CTNND2: variants seen among roughly 807,000 people sequenced by gnomAD.
The protein encoded by CTNND2 is catenin delta-2.
In CTNND2, 22 loss-of-function variants were observed where a neutral mutation model predicts 144.4. That is an observed-to-expected ratio of 0.15 (90% CI 0.11 to 0.22). The LOEUF (loss-of-function observed/expected upper bound fraction) is 0.22. Among genes scored for constraint, CTNND2 ranks in the 10% least tolerant of loss-of-function variants. The pLI, the probability that CTNND2 is intolerant of heterozygous loss-of-function variation, is 1.00. For missense variants in CTNND2, 1,353 were observed against 1,618.8 expected (o/e 0.84, Z 2.82); for synonymous variants, 751 against 695.6 (o/e 1.08, Z -1.25).
At chr5:11,542,854 G>T (rs894925570) in intron 3 of CTNND2, among the ~76,000 whole-genome samples, 1 of 152,202 alleles carries the variant, frequency 6.6e-6, no homozygotes, top group African/African-American at 2.4e-5. Context: ...GGAAAGGGAG[G>T]CTACACTTTT....
At chr5:11,886,350 A>T (rs1326742478) in intron 1 of CTNND2, among the ~76,000 whole-genome samples, 1 of 152,198 alleles carries the variant, frequency 6.6e-6, no homozygotes, top group African/African-American at 2.4e-5. Flanking sequence ...ACCAGAAATG[A>T]AAAAGGAGAC....
chr5:11,669,051 C>T (rs775182606), intron 2 of CTNND2, among the ~76,000 whole-genome samples: 11 of 152,026 alleles, frequency 7.2e-5, no homozygotes, highest in African/African-American at 9.7e-5. Flanking sequence ...GTTCTGTTTA[C>T]GTGATGGATT....
At chr5:11,099,579 C>T (rs1209659464) in intron 14 of CTNND2, among the ~76,000 whole-genome samples, 1 of 152,042 alleles carries the variant, frequency 6.6e-6, no homozygotes, top group Non-Finnish European at 1.5e-5. Context: ...CACATTATTC[C>T]AACTAAAATG....
At chr5:11,175,369 C>T (rs1314697945) in intron 11 of CTNND2, among the ~76,000 whole-genome samples, 1 of 151,996 alleles carries the variant, frequency 6.6e-6, no homozygotes, top group African/African-American at 2.4e-5. Context: ...ATAAAATCAC[C>T]CAGAGATAAT....
intron 1 of CTNND2, among the ~76,000 whole-genome samples, chr5:11,852,542 G>T (rs58150313): frequency 6.6e-6 from 1 of 152,222 alleles, no homozygotes; most frequent in African/African-American, 2.4e-5. Context: ...AACTGTGACA[G>T]TATCACTGAC....
chr5:10,996,461 G>A (rs1012760014), intron 18 of CTNND2, among the ~76,000 whole-genome samples: 5 of 148,316 alleles, frequency 3.4e-5, no homozygotes, highest in African/African-American at 1.2e-4. Flanking sequence ...CCACCTCCAG[G>A]GTGGGACACA....
intron 1 of CTNND2, among the ~76,000 whole-genome samples, chr5:11,824,198 T>A (rs1381808405): frequency 6.6e-6 from 1 of 151,914 alleles, no homozygotes; most frequent in Non-Finnish European, 1.5e-5. Context: ...TCCCTCAGTA[T>A]CCATCCAGGC....
intron 1 of CTNND2, among the ~76,000 whole-genome samples, chr5:11,870,149 CG>C (rs1453391661): frequency 6.6e-6 from 1 of 152,144 alleles, no homozygotes; most frequent in East Asian, 1.9e-4. Context: ...GTTGGGTCCA[CG>C]GAAAGCCTCT....
At chr5:11,868,000 C>A (rs1016639487) in intron 1 of CTNND2, among the ~76,000 whole-genome samples, 2 of 151,684 alleles carry the variant, frequency 1.3e-5, no homozygotes, top group African/African-American at 2.4e-5. Flanking sequence ...CTTTTGTCAA[C>A]CAAGATAAAC....
chr5:11,692,912 T>A (rs148819098), intron 2 of CTNND2, among the ~76,000 whole-genome samples: 1,827 of 152,322 alleles, frequency 0.012, 36 homozygotes, highest in African/African-American at 0.042. Flanking sequence ...GGGTCAACAT[T>A]TTTAAAAGAC....
chr5:11,355,307 T>C (rs1004091287), intron 8 of CTNND2, among the ~76,000 whole-genome samples: 1 of 152,080 alleles, frequency 6.6e-6, no homozygotes, highest in Non-Finnish European at 1.5e-5. Flanking sequence ...AAAAAGATCG[T>C]TCACTATGAT....
At chr5:11,427,347 G>A (rs1050599951) in intron 3 of CTNND2, among the ~76,000 whole-genome samples, 1 of 145,658 alleles carries the variant, frequency 6.9e-6, no homozygotes, top group Non-Finnish European at 1.5e-5. Flanking sequence ...GTGCCATCTC[G>A]GCTCACTGGA....
At chr5:11,813,527 G>C (rs897843994) in intron 1 of CTNND2, among the ~76,000 whole-genome samples, 1 of 152,002 alleles carries the variant, frequency 6.6e-6, no homozygotes, top group Non-Finnish European at 1.5e-5. Flanking sequence ...CTCCTAATTT[G>C]GTCTTGTACA....
chr5:11,505,750 A>G (rs910589743), intron 3 of CTNND2, among the ~76,000 whole-genome samples: 4 of 152,106 alleles, frequency 2.6e-5, no homozygotes, highest in African/African-American at 7.2e-5. Flanking sequence ...AAATCCCTCA[A>G]AATGTCACTA....
At chr5:11,020,948 T>C (rs1561183377) in intron 17 of CTNND2, among the ~76,000 whole-genome samples, 2 of 152,278 alleles carry the variant, frequency 1.3e-5, no homozygotes, top group South Asian at 2.1e-4. Context: ...TAAAGGGCAT[T>C]TATGAGATCA....
At position 11,344,391 on chromosome 5, in the gene CTNND2, C is replaced by CA. The variant is rs769278963; in HGVS notation, c.1628+1980dup. 8.5e-3 allele frequency among the ~76,000 whole-genome samples: 911 copies of CA among 106,612 alleles called. 13 individuals are homozygous for CA. Among genetic ancestry groups the CA allele is most frequent in the South Asian group, 0.056 (184 of 3,260 alleles). The allele number at this position is 106,612 out of a possible 152,430, so 69.9% of individuals were successfully genotyped here. ...TGGGCGACAAAACGAGACTCCGTCT[C>CA]AAAAAAAAAAAAAACATGTTGAGAC... On this transcript the variant is annotated intron_variant, in intron 9 of 21. Coordinates refer to ENST00000304623, the MANE Select transcript of CTNND2 (RefSeq NM_001332.4).
Position 10,991,609 on chromosome 5 carries a change from A to G in CTNND2, c.3211+942T>C, listed in dbSNP as rs61751687. ...TTTTGGCATTTCTTAATGTGAATTA[A>G]AAAGGGTATAAAAATCAAGTATTTT... is the stretch of plus-strand genomic sequence containing the variant. On this transcript the variant is annotated intron_variant, in intron 19 of 21. Coordinates refer to ENST00000304623, the MANE Select transcript of CTNND2 (RefSeq NM_001332.4). Among the ~76,000 whole-genome samples the G allele has an allele frequency of 2.0e-5, 3 of 152,350 alleles. No individual in the cohort carries two copies. In the East Asian group the frequency reaches 5.8e-4, roughly 29 times the overall value.
intron 8 of CTNND2, among the ~76,000 whole-genome samples, chr5:11,347,309 C>T (rs16901527): frequency 0.03 from 4,599 of 152,260 alleles, 249 homozygotes; most frequent in East Asian, 0.16. Context: ...AAAACCAACC[C>T]AACTGCAAGG....
chr5:11,306,252 G>A (rs1342423828), intron 9 of CTNND2, among the ~76,000 whole-genome samples: 1 of 152,220 alleles, frequency 6.6e-6, no homozygotes, highest in East Asian at 1.9e-4. Flanking sequence ...TGGAGGTGCA[G>A]GCTGAAGATA....
Sources: gnomAD v4.1 joint callset for allele counts (sites outside exome capture counted in the v4.1 genomes callset) on GRCh38, gnomAD v4.1.1 for gene constraint, MANE v1.5 for transcripts, NCBI Gene and HGNC (gene_info 2026-07-23, HGNC 2026-07-21) for gene names.